RAB6B: variants seen among roughly 807,000 people sequenced by gnomAD.
The protein encoded by RAB6B is ras-related protein Rab-6B.
Under a neutral mutation model 31.2 loss-of-function variants are expected in RAB6B, and 7 were observed. That is an observed-to-expected ratio of 0.22 (90% CI 0.13 to 0.42). The LOEUF is 0.42. RAB6B is among the 10% of genes least tolerant of loss of function. The pLI is 1.00. For missense variants in RAB6B, 149 were observed against 280.6 expected (o/e 0.53, Z 3.35); for synonymous variants, 105 against 104.9 (o/e 1.00, Z -0.01).
intron 1 of RAB6B, among the ~76,000 whole-genome samples, 159 bp downstream of exon 1, chr3:133,895,238 C>T (rs1057323011): frequency 2.0e-5 from 3 of 152,164 alleles, no homozygotes; most frequent in Admixed American, 6.5e-5. Flanking sequence ...TGGCCCCTCC[C>T]CAGCCCGACC....
chr3:133,889,161 C>G (rs1416553769), intron 1 of RAB6B, among the ~76,000 whole-genome samples: 1 of 151,942 alleles, frequency 6.6e-6, no homozygotes, highest in Non-Finnish European at 1.5e-5. Context: ...ACACTGAAAC[C>G]AGACAGCCCT....
In RAB6B at chr3:133,895,633, G is replaced by T; in HGVS notation, c.-167C>A. 1.6e-6 allele frequency: 1 copy of T among 641,240 alleles called. No homozygotes were observed. The highest frequency in any genetic ancestry group is 2.0e-5 in the South Asian group (1 of 51,260). The allele number at this position is 641,240 out of a possible 1,614,324, so 39.7% of individuals were successfully genotyped here. ...AGCTGCGTCCCGGTCCCGGCCTGCGGCTGCGTGTCCGGCGGCGGAGGAGGA... is the reference window on the plus strand; with the variant it reads ...AGCTGCGTCCCGGTCCCGGCCTGCGTCTGCGTGTCCGGCGGCGGAGGAGGA... On this transcript the variant is annotated 5_prime_UTR_variant, in exon 1 of 8. Transcript: ENST00000285208.
At chr3:133,885,535 C>T in intron 1 of RAB6B, 1 of 702,992 alleles carries the variant, frequency 1.4e-6, no homozygotes, top group African/African-American at 1.7e-5. Context: ...GCTCACACAC[C>T]CAATGGCCAG....
intron 1 of RAB6B, among the ~76,000 whole-genome samples, chr3:133,886,610 T>C (rs1044527861): frequency 6.6e-6 from 1 of 152,140 alleles, no homozygotes; most frequent in African/African-American, 2.4e-5. Flanking sequence ...TCCTTCCATC[T>C]GTGTAAAAGC....
At chr3:133,870,313 C>G (rs1412555695) in intron 1 of RAB6B, among the ~76,000 whole-genome samples, 2 of 152,116 alleles carry the variant, frequency 1.3e-5, no homozygotes, top group East Asian at 3.9e-4. Context: ...GGAAACCGCC[C>G]CCATGATCCA....
chr3:133,861,366 G>A (rs1456104786), intron 2 of RAB6B, among the ~76,000 whole-genome samples: 2 of 152,180 alleles, frequency 1.3e-5, no homozygotes, highest in South Asian at 2.1e-4. Context: ...ACACATGTGT[G>A]TATGTGTGTT....
chr3:133,846,167 C>G (rs1455636071), intron 2 of RAB6B, among the ~76,000 whole-genome samples: 1 of 152,194 alleles, frequency 6.6e-6, no homozygotes, highest in Non-Finnish European at 1.5e-5. Flanking sequence ...CAATTGGAAG[C>G]TGGGCATGGT....
intron 2 of RAB6B, among the ~76,000 whole-genome samples, chr3:133,850,271 A>G (rs1268321592): frequency 6.6e-6 from 1 of 152,224 alleles, no homozygotes; most frequent in African/African-American, 2.4e-5. Flanking sequence ...AGGAACAAAC[A>G]GAATCCACAG....
intron 1 of RAB6B, among the ~76,000 whole-genome samples, chr3:133,872,855 G>A (rs531586091): frequency 3.2e-4 from 48 of 152,324 alleles, no homozygotes; most frequent in African/African-American, 1.1e-3. Flanking sequence ...ACGCTCAGCC[G>A]CCTGGGCCTC....
chr3:133,829,519 A>T lies in RAB6B; in HGVS notation c.563-667T>A, dbSNP rs1202054762. The stretch of plus-strand genomic sequence containing the variant: ...CTTCCTCATCGGGCTCAAAACCAAC[A>T]CTGTGAGATTTTAGCCTTGCATCAA... On this transcript the variant is annotated intron_variant, in intron 7 of 7. Coordinates refer to ENST00000285208, the MANE Select transcript of RAB6B (RefSeq NM_016577.4). Among the ~76,000 whole-genome samples, 5 of 152,106 alleles carry T rather than the reference A, an allele frequency of 3.3e-5. No homozygotes were observed. The East Asian group carries it at 9.6e-4, about 29-fold the overall frequency.
chr3:133,849,273 A>G (rs146278455), intron 2 of RAB6B, among the ~76,000 whole-genome samples: 104 of 152,304 alleles, frequency 6.8e-4, no homozygotes, highest in Non-Finnish European at 1.2e-3. Context: ...CAGTGATTCA[A>G]TGATTCTCAA....
chr3:133,871,639 G>C (rs1936325073), intron 1 of RAB6B, among the ~76,000 whole-genome samples: 1 of 152,238 alleles, frequency 6.6e-6, no homozygotes, highest in African/African-American at 2.4e-5. Flanking sequence ...ACGAAGGACA[G>C]CTCTTCTCCC....
intron 2 of RAB6B, among the ~76,000 whole-genome samples, chr3:133,862,264 G>GT (rs990927763): frequency 4.6e-5 from 7 of 152,024 alleles, no homozygotes; most frequent in Non-Finnish European, 8.8e-5. Context: ...TCTCCATGCT[G>GT]TTTTTTTTGT....
intron 1 of RAB6B, among the ~76,000 whole-genome samples, chr3:133,874,338 T>G (rs1936363713): frequency 3.3e-5 from 5 of 152,242 alleles, no homozygotes; most frequent in Admixed American, 3.3e-4. Context: ...ACTACACACC[T>G]AGGCTATAAT....
At chr3:133,830,680 A>G (rs1935643395) in intron 7 of RAB6B, among the ~76,000 whole-genome samples, 2 of 152,146 alleles carry the variant, frequency 1.3e-5, no homozygotes, top group Non-Finnish European at 2.9e-5. Flanking sequence ...GGAGTAAAAG[A>G]GCCACCTTCC....
chr3:133,887,000 G>A (rs1390688224), intron 1 of RAB6B, among the ~76,000 whole-genome samples: 1 of 148,390 alleles, frequency 6.7e-6, no homozygotes, highest in African/African-American at 2.5e-5. Context: ...CAGGATGCAG[G>A]AGGACCAATA....
intron 4 of RAB6B, among the ~76,000 whole-genome samples, 164 bp from the exon 5 acceptor site, chr3:133,839,781 T>C (rs1935794189): frequency 6.6e-6 from 1 of 152,088 alleles, no homozygotes. Context: ...GGTAGGGCCT[T>C]TCAGAGGGAA....
At chr3:133,876,052 A>T (rs2715635) in intron 1 of RAB6B, among the ~76,000 whole-genome samples, 39,024 of 152,078 alleles carry the variant, frequency 0.26, 7,486 homozygotes, top group African/African-American at 0.54. Flanking sequence ...TAACAATGAA[A>T]AGCCTCCCAA....
intron 2 of RAB6B, among the ~76,000 whole-genome samples, chr3:133,853,652 T>C (rs1936033007): frequency 6.6e-6 from 1 of 152,034 alleles, no homozygotes; most frequent in Non-Finnish European, 1.5e-5. Context: ...CCTCTGTCAG[T>C]GTTGGCAAGG....
Sources: allele counts gnomAD v4.1 joint callset (sites outside exome capture counted in the v4.1 genomes callset), GRCh38; gene constraint gnomAD v4.1.1; transcripts MANE v1.5; gene names NCBI Gene and HGNC (gene_info 2026-07-23, HGNC 2026-07-21).